The following SOX5 variants were observed in gnomAD, a reference collection of about 807,000 sequenced individuals.
SOX5 encodes the protein SRY-box transcription factor 5.
SOX5 carries 9 observed loss-of-function variants against 92.0 expected under a neutral mutation model. That is an observed-to-expected ratio of 0.10 (90% CI 0.06 to 0.17). The LOEUF is 0.17. SOX5 is among the 10% of genes least tolerant of loss of function. The pLI, the probability that SOX5 is intolerant of heterozygous loss-of-function variation, is 1.00. For missense variants in SOX5, 642 were observed against 944.5 expected (o/e 0.68, Z 4.20); for synonymous variants, 344 against 336.3 (o/e 1.02, Z -0.25).
chr12:24,479,380 T>C (rs1468758560), intron 1 of SOX5, among the ~76,000 whole-genome samples: 1 of 152,214 alleles, frequency 6.6e-6, no homozygotes, highest in Admixed American at 6.5e-5. Context: ...CAGCACCTAT[T>C]AAGTGCTTAC....
chr12:23,733,949 A>T (rs1234218951), intron 6 of SOX5, among the ~76,000 whole-genome samples: 1 of 152,140 alleles, frequency 6.6e-6, no homozygotes, highest in Non-Finnish European at 1.5e-5. Context: ...CTCTTTATCC[A>T]TGATTTCTTT....
intron 13 of SOX5, among the ~76,000 whole-genome samples, chr12:23,540,174 GTTTA>G (rs1328239314): frequency 6.6e-6 from 1 of 151,608 alleles, no homozygotes; most frequent in Non-Finnish European, 1.5e-5. Flanking sequence ...TGTACAGGGA[GTTTA>G]TTCATTCCCT....
intron 4 of SOX5, among the ~76,000 whole-genome samples, chr12:24,207,259 T>G (rs1318298054): frequency 6.6e-6 from 1 of 152,156 alleles, no homozygotes; most frequent in Non-Finnish European, 1.5e-5. Context: ...CTCAACCAAC[T>G]TGAGGAAATG....
At chr12:24,299,817 A>G (rs1240609780) in intron 2 of SOX5, among the ~76,000 whole-genome samples, 2 of 152,218 alleles carry the variant, frequency 1.3e-5, no homozygotes, top group Non-Finnish European at 2.9e-5. Flanking sequence ...TAGTGGCAAA[A>G]AAATGTGTCT....
At chr12:24,428,091 T>C (rs1367327993) in intron 1 of SOX5, among the ~76,000 whole-genome samples, 2 of 151,868 alleles carry the variant, frequency 1.3e-5, no homozygotes, top group Non-Finnish European at 2.9e-5. Flanking sequence ...TTTTTTAAGG[T>C]GAAAAAGCTG....
chr12:24,260,540 G>A (rs554862724), intron 3 of SOX5, among the ~76,000 whole-genome samples: 1 of 152,292 alleles, frequency 6.6e-6, no homozygotes, highest in South Asian at 2.1e-4. Flanking sequence ...TAGTACAGGG[G>A]AAGAGAGATG....
chr12:23,949,891 C>T (rs894559244), upstream of SOX5, among the ~76,000 whole-genome samples: 2 of 151,222 alleles, frequency 1.3e-5, no homozygotes, highest in Non-Finnish European at 2.9e-5. Context: ...GGCTGCTCCC[C>T]CCTCCGCGGA....
intron 4 of SOX5, among the ~76,000 whole-genome samples, chr12:24,120,530 A>G (rs1218788660): frequency 6.6e-6 from 1 of 152,210 alleles, no homozygotes; most frequent in Non-Finnish European, 1.5e-5. Flanking sequence ...CATCGCCTAA[A>G]CAACAGAATG....
rs147056385 is a variant in SOX5, at chr12:23,581,013, C to A, written c.1165-5175G>T. On this transcript the variant is annotated intron_variant, in intron 9 of 14. Transcript: ENST00000451604. ...TTTCATTTAGTTGGTTTTCAAATAA[C>A]AATTTATCCTAGAAGAAAATATGTT... Among the ~76,000 whole-genome samples the A allele has an allele frequency of 7.9e-5, 12 of 152,070 alleles. No individual in the cohort carries two copies. In the East Asian group the frequency reaches 1.9e-3, roughly 24 times the overall value.
At chr12:24,324,416 C>A (rs962056886) in intron 2 of SOX5, among the ~76,000 whole-genome samples, 2 of 151,954 alleles carry the variant, frequency 1.3e-5, no homozygotes, top group Non-Finnish European at 2.9e-5. Flanking sequence ...GTCTCTTATT[C>A]GATCTTGAAA....
intron 3 of SOX5, among the ~76,000 whole-genome samples, chr12:23,828,345 C>T (rs1194598132): frequency 1.3e-5 from 2 of 152,076 alleles, no homozygotes; most frequent in Non-Finnish European, 2.9e-5. Context: ...CACACACACA[C>T]ATGTATGTGT....
intron 4 of SOX5, among the ~76,000 whole-genome samples, chr12:24,031,686 AATATT>A (rs1192769850): frequency 6.6e-6 from 1 of 151,864 alleles, no homozygotes; most frequent in Non-Finnish European, 1.5e-5. Context: ...AACCCATAAA[AATATT>A]ATATAATGCC....
chr12:24,207,517 G>A (rs1286269202), intron 4 of SOX5, among the ~76,000 whole-genome samples: 2 of 152,256 alleles, frequency 1.3e-5, no homozygotes, highest in East Asian at 1.9e-4. Flanking sequence ...AATCCATAAT[G>A]TAGAAATGAT....
chr12:24,213,825 T>C (rs1393047451), intron 3 of SOX5, among the ~76,000 whole-genome samples: 2 of 152,150 alleles, frequency 1.3e-5, no homozygotes, highest in Admixed American at 6.5e-5. Context: ...AATTCAGCCA[T>C]GTGAGCATGC....
intron 1 of SOX5, among the ~76,000 whole-genome samples, chr12:24,442,148 G>A (rs1192728382): frequency 6.6e-6 from 1 of 152,176 alleles, no homozygotes. Context: ...GAGAAACAAT[G>A]TGAACTTCTG....
At chr12:23,984,862 A>C (rs894299885) in intron 4 of SOX5, among the ~76,000 whole-genome samples, 1 of 152,202 alleles carries the variant, frequency 6.6e-6, no homozygotes, top group African/African-American at 2.4e-5. Context: ...GACTAATAAT[A>C]ATTGTAATTA....
At chr12:23,874,389 C>T (rs749638015) in intron 2 of SOX5, among the ~76,000 whole-genome samples, 11 of 152,004 alleles carry the variant, frequency 7.2e-5, no homozygotes, top group Non-Finnish European at 1.2e-4. Context: ...AGTTTAGCGA[C>T]GCACCATACG....
At chr12:24,138,382 A>G (rs2138615157) in intron 4 of SOX5, among the ~76,000 whole-genome samples, 1 of 152,376 alleles carries the variant, frequency 6.6e-6, no homozygotes, top group Middle Eastern at 3.4e-3. Flanking sequence ...TTATACACAG[A>G]GATGACACCA....
chr12:24,006,824 T>C (rs906427199), intron 4 of SOX5, among the ~76,000 whole-genome samples: 3 of 152,044 alleles, frequency 2.0e-5, no homozygotes, highest in African/African-American at 7.2e-5. Flanking sequence ...AAATAGGTCT[T>C]AGCTGATTGG....
Sources: gnomAD v4.1 joint callset for allele counts (sites outside exome capture counted in the v4.1 genomes callset) on GRCh38, gnomAD v4.1.1 for gene constraint, MANE v1.5 for transcripts, NCBI Gene and HGNC (gene_info 2026-07-23, HGNC 2026-07-21) for gene names.